The following CARMIL1 variants were observed in gnomAD, a reference collection of about 807,000 sequenced individuals.
CARMIL1 encodes the protein F-actin-uncapping protein LRRC16A.
In CARMIL1, 90 loss-of-function variants were observed where a neutral mutation model predicts 177.1. That is an observed-to-expected ratio of 0.51 (90% CI 0.43 to 0.61). The LOEUF (loss-of-function observed/expected upper bound fraction) is 0.61, where lower values mean the gene tolerates loss of function less well. Ranked by LOEUF, CARMIL1 falls within the 20% of genes least tolerant of loss-of-function variation. CARMIL1 has a pLI of 0.00. For missense variants in CARMIL1, 1,380 were observed against 1,667.0 expected (o/e 0.83, Z 3.00); for synonymous variants, 577 against 606.2 (o/e 0.95, Z 0.71).
At chr6:25,412,547 C>G (rs1056463093) in intron 2 of CARMIL1, among the ~76,000 whole-genome samples, 41 of 152,216 alleles carry the variant, frequency 2.7e-4, no homozygotes, top group African/African-American at 8.7e-4. Flanking sequence ...CTCCACTGCA[C>G]CCTAGGTGAC....
Position 25,577,176 on chromosome 6 carries a change from T to A in CARMIL1, c.2743-3748T>A, listed in dbSNP as rs888376424. 16 of 951,142 alleles carry A rather than the reference T, an allele frequency of 1.7e-5. No homozygotes were observed. In the African/African-American group the frequency reaches 2.6e-4, roughly 16 times the overall value. The allele number at this position is 951,142 out of a possible 1,614,324, so 58.9% of individuals were successfully genotyped here. On this transcript the variant is annotated intron_variant, in intron 29 of 36. Transcript: ENST00000329474. This position sits in a 1 kb window ranked among gnomAD's most constrained non-coding sequence, Gnocchi z 4.5. ...ATTGGATTTTGCAAGATGGTTCAGC[T>A]AGCAAAACAGGCGATGAATTTAAAA...
chr6:25,386,980 AT>A (rs958517882), intron 2 of CARMIL1, among the ~76,000 whole-genome samples: 1 of 151,996 alleles, frequency 6.6e-6, no homozygotes, highest in Non-Finnish European at 1.5e-5. Flanking sequence ...AAATACAAAA[AT>A]TAGCCAGGCA....
chr6:25,521,064 T>C (rs1806499946), intron 23 of CARMIL1, among the ~76,000 whole-genome samples: 2 of 152,170 alleles, frequency 1.3e-5, no homozygotes, highest in African/African-American at 4.8e-5. Flanking sequence ...TCCTTGGCGA[T>C]GTCATCCAAA....
At chr6:25,392,177 G>GTGTATCTATCCCATC (rs1462744484) in intron 2 of CARMIL1, among the ~76,000 whole-genome samples, 3 of 151,462 alleles carry the variant, frequency 2.0e-5, no homozygotes, top group Admixed American at 1.3e-4. Flanking sequence ...TACACAAACC[G>GTGTATCTATCCCATC]TAGATATATA....
intron 29 of CARMIL1, chr6:25,563,151 A>T: frequency 1.2e-6 from 1 of 819,418 alleles, no homozygotes; most frequent in Non-Finnish European, 1.5e-6. Flanking sequence ...AGTAGAGCCA[A>T]TAGTAAGTGA....
intron 2 of CARMIL1, among the ~76,000 whole-genome samples, chr6:25,346,011 C>G (rs1292673990): frequency 6.6e-6 from 1 of 152,190 alleles, no homozygotes; most frequent in African/African-American, 2.4e-5. Context: ...TTCTTATCAC[C>G]TTTATTGCTA....
intron 31 of CARMIL1, among the ~76,000 whole-genome samples, chr6:25,583,757 G>A (rs977404816): frequency 6.6e-6 from 1 of 151,972 alleles, no homozygotes. Context: ...TATTCTTATA[G>A]GGATATACTT....
At chr6:25,357,169 G>T (rs912041368) in intron 2 of CARMIL1, among the ~76,000 whole-genome samples, 1 of 151,336 alleles carries the variant, frequency 6.6e-6, no homozygotes, top group African/African-American at 2.4e-5. Context: ...TAAAATAAAC[G>T]TAATTAATTA....
chr6:25,328,257 G>A (rs1370987814), intron 2 of CARMIL1, among the ~76,000 whole-genome samples: 3 of 152,230 alleles, frequency 2.0e-5, no homozygotes, highest in African/African-American at 4.8e-5. Flanking sequence ...GGGATATCAA[G>A]GACTAATGAG....
At chr6:25,428,068 G>C (rs970512169) in intron 4 of CARMIL1, among the ~76,000 whole-genome samples, 5 of 152,104 alleles carry the variant, frequency 3.3e-5, no homozygotes, top group Non-Finnish European at 7.4e-5. Flanking sequence ...TGTGCTTTTA[G>C]TATCATATTG....
At chr6:25,299,571 A>G (rs571798845) in intron 2 of CARMIL1, among the ~76,000 whole-genome samples, 52 of 152,186 alleles carry the variant, frequency 3.4e-4, no homozygotes, top group African/African-American at 9.4e-4. Flanking sequence ...GGTCAAAACA[A>G]TTGTTGTGGG....
chr6:25,390,312 ATATATATATTT>A (rs1232531964), intron 2 of CARMIL1, among the ~76,000 whole-genome samples: 104 of 38,860 alleles, frequency 2.7e-3, no homozygotes, highest in Non-Finnish European at 5.2e-3. Flanking sequence ...ATATATATAT[ATATATATATTT>A]TTTTTTTTTT....
At chr6:25,307,641 ATG>A (rs1420461222) in intron 2 of CARMIL1, among the ~76,000 whole-genome samples, 7 of 152,246 alleles carry the variant, frequency 4.6e-5, no homozygotes, top group Admixed American at 2.6e-4. Flanking sequence ...TTAAAAATAA[ATG>A]TTAGATGTAG....
chr6:25,360,155 A>G (rs1470448986), intron 2 of CARMIL1, among the ~76,000 whole-genome samples: 1 of 152,218 alleles, frequency 6.6e-6, no homozygotes, highest in Non-Finnish European at 1.5e-5. Context: ...ACAGTATTGT[A>G]AAACCTGCAC....
chr6:25,282,115 CAAAAAAA>C (rs55943273), intron 1 of CARMIL1, among the ~76,000 whole-genome samples: 2 of 81,792 alleles, frequency 2.4e-5, no homozygotes, highest in African/African-American at 4.9e-5. Context: ...AACTCCATCT[CAAAAAAA>C]AAAAAAAAAA....
chr6:25,370,152 C>T (rs1562046744), intron 2 of CARMIL1: 1 of 152,172 alleles, frequency 6.6e-6, no homozygotes, highest in African/African-American at 2.4e-5. Flanking sequence ...CCTTGCCAAC[C>T]TCATTAGAAA....
intron 2 of CARMIL1, among the ~76,000 whole-genome samples, chr6:25,358,640 G>A (rs1788877274): frequency 6.6e-6 from 1 of 152,054 alleles, no homozygotes; most frequent in Non-Finnish European, 1.5e-5. Flanking sequence ...GTCAAGCAAC[G>A]CCTCTAAGGG....
Position 25,488,569 on chromosome 6 carries a change from G to C in CARMIL1, c.1049G>C (p.Arg350Pro). Residue 350 changes from arginine (R) to proline (P), a missense_variant, in exon 13 of 37, where the codon CGT becomes CCT. Transcript: ENST00000329474. Reference sequence around the variant, plus strand: ...CTCGACCTCTCAGGGAACGTCCTTCGTGGAGATGACCTCTCAGTAAGTTTT... The same window carrying C: ...CTCGACCTCTCAGGGAACGTCCTTCCTGGAGATGACCTCTCAGTAAGTTTT... ...VHLDLSGNVL[R>P]GDDLSHMYNF... is the part of the protein sequence containing the mutation. The C allele has an allele frequency of 1.9e-6, 3 of 1,613,516 alleles. No homozygotes were observed. The highest frequency in any genetic ancestry group is 1.7e-6 in the Non-Finnish European group (2 of 1,179,460).
At chr6:25,390,314 A>ATTTTTT (rs1296124307) in intron 2 of CARMIL1, among the ~76,000 whole-genome samples, 1 of 39,510 alleles carries the variant, frequency 2.5e-5, no homozygotes, top group African/African-American at 9.4e-5. Flanking sequence ...ATATATATAT[A>ATTTTTT]TATATATTTT....
Sources: gnomAD v4.1 joint callset for allele counts (sites outside exome capture counted in the v4.1 genomes callset) on GRCh38, gnomAD v4.1.1 for gene constraint, Gnocchi (gnomAD v3.1) non-coding constraint, MANE v1.5 for transcripts, NCBI Gene and HGNC (gene_info 2026-07-23, HGNC 2026-07-21) for gene names.